Variants in RUNDC3B observed in about 807,000 individuals in gnomAD.
RUNDC3B encodes the protein RUN domain-containing protein 3B.
In RUNDC3B, 33 loss-of-function variants were observed where a neutral mutation model predicts 58.4. The ratio of observed to expected loss-of-function variants is 0.56; its 90% CI spans 0.43 to 0.75. The LOEUF (loss-of-function observed/expected upper bound fraction) is 0.75. Among genes scored for constraint, RUNDC3B ranks in the 30% least tolerant of loss-of-function variants. The probability of loss-of-function intolerance (pLI) is 0.00; values close to 1 mark genes in which losing one functional copy is unlikely to be tolerated. For synonymous variants in RUNDC3B, 193 were observed against 195.2 expected (o/e 0.99, Z 0.10); for missense variants, 501 against 535.7 (o/e 0.94, Z 0.64).
chr7:87,794,625 CAA>C (rs199533628), intron 8 of RUNDC3B, among the ~76,000 whole-genome samples: 347 of 122,542 alleles, frequency 2.8e-3, no homozygotes, highest in African/African-American at 9.1e-3. Flanking sequence ...TTTATAGAAA[CAA>C]AAAAAAAAAA....
At chr7:87,718,535 G>A (rs181320148) in intron 4 of RUNDC3B, among the ~76,000 whole-genome samples, 133 of 152,110 alleles carry the variant, frequency 8.7e-4, no homozygotes, top group African/African-American at 2.7e-3. Flanking sequence ...CAGGCCTTTC[G>A]AAGGATAGAA....
intron 3 of RUNDC3B, among the ~76,000 whole-genome samples, chr7:87,703,717 A>G (rs1182117880): frequency 1.3e-5 from 2 of 151,742 alleles, no homozygotes; most frequent in African/African-American, 4.8e-5. Flanking sequence ...TTGTTATTAC[A>G]TATTAACAGA....
chr7:87,829,561 A>T (rs896353184), intron 10 of RUNDC3B, among the ~76,000 whole-genome samples: 1 of 151,954 alleles, frequency 6.6e-6, no homozygotes, highest in African/African-American at 2.4e-5. Flanking sequence ...TTGTGTCTGT[A>T]TAACAGCACC....
chr7:87,793,212 C>G (rs772311985), intron 8 of RUNDC3B, among the ~76,000 whole-genome samples: 41 of 151,952 alleles, frequency 2.7e-4, no homozygotes, highest in Non-Finnish European at 5.0e-4. Flanking sequence ...TAAAAAGCAT[C>G]ATAGTAAGGA....
intron 4 of RUNDC3B, among the ~76,000 whole-genome samples, chr7:87,739,473 A>G (rs111489587): frequency 3.3e-5 from 5 of 152,112 alleles, no homozygotes; most frequent in African/African-American, 1.2e-4. Context: ...TTGCTTCACT[A>G]TTAAGGAAAA....
chr7:87,710,337 C>T (rs1430371056), intron 3 of RUNDC3B, among the ~76,000 whole-genome samples: 1 of 151,942 alleles, frequency 6.6e-6, no homozygotes, highest in Non-Finnish European at 1.5e-5. Flanking sequence ...TCTGTCCCTT[C>T]AGAGGATAGA....
chr7:87,822,854 C>T (rs1837562168), intron 10 of RUNDC3B, among the ~76,000 whole-genome samples: 1 of 151,970 alleles, frequency 6.6e-6, no homozygotes, highest in African/African-American at 2.4e-5. Context: ...CACATGGACA[C>T]AAGAAGGGGA....
intron 2 of RUNDC3B, among the ~76,000 whole-genome samples, chr7:87,654,418 A>G (rs1823880849): frequency 6.6e-6 from 1 of 152,132 alleles, no homozygotes; most frequent in African/African-American, 2.4e-5. Flanking sequence ...AGAACCCACA[A>G]ATAAATCCAT....
intron 3 of RUNDC3B, chr7:87,709,496 A>T: frequency 1.0e-6 from 1 of 985,256 alleles, no homozygotes; most frequent in East Asian, 1.1e-4. Flanking sequence ...GCTAAAAGGG[A>T]TGTTGAGCTT....
At chr7:87,675,783 A>G (rs1243262404) in intron 2 of RUNDC3B, among the ~76,000 whole-genome samples, 1 of 152,002 alleles carries the variant, frequency 6.6e-6, no homozygotes, top group African/African-American at 2.4e-5. Context: ...AATTTAACAT[A>G]AGACCTGAAA....
intron 2 of RUNDC3B, among the ~76,000 whole-genome samples, chr7:87,651,354 A>T (rs1823551825): frequency 6.6e-6 from 1 of 152,136 alleles, no homozygotes. Context: ...AAAAAGAGGT[A>T]TGTAAGAGAC....
chr7:87,765,937 A>T (rs190050813), intron 6 of RUNDC3B, among the ~76,000 whole-genome samples: 1 of 151,872 alleles, frequency 6.6e-6, no homozygotes, highest in Admixed American at 6.6e-5. Flanking sequence ...ATCATTTCTT[A>T]TGTCTAGTAG....
At chr7:87,829,266 C>T (rs967418564) in intron 10 of RUNDC3B, among the ~76,000 whole-genome samples, 6 of 152,144 alleles carry the variant, frequency 3.9e-5, no homozygotes, top group Non-Finnish European at 8.8e-5. Context: ...TGGAGGTTGT[C>T]TGTTTACCCT....
At position 87,628,602 on chromosome 7, in the gene RUNDC3B, T is replaced by C. The variant is rs1201209900; in HGVS notation, c.-222T>C. 7.7e-5 allele frequency: 27 copies of C among 351,800 alleles called. No homozygotes were observed. Among genetic ancestry groups the C allele is most frequent in the Non-Finnish European group, 1.0e-4 (20 of 196,632 alleles). 21.8% of individuals were successfully genotyped at this position (351,800 alleles called of 1,614,324 possible). On this transcript the variant is annotated 5_prime_UTR_variant, in exon 1 of 11. Transcript: ENST00000394654. ...GTGCGTGCGTGTGTGTGTGTGTGTG[T>C]GTGTGTGTGTGTGTGTGTGTGTGGA...
At chr7:87,807,193 C>T (rs1168522445) in intron 8 of RUNDC3B, among the ~76,000 whole-genome samples, 180 bp from the exon 9 acceptor site, 2 of 152,030 alleles carry the variant, frequency 1.3e-5, no homozygotes, top group African/African-American at 4.8e-5. Context: ...AAATGAAGAA[C>T]ACATATTGCA....
chr7:87,684,648 T>G (rs1392027584), intron 2 of RUNDC3B, among the ~76,000 whole-genome samples: 1 of 146,602 alleles, frequency 6.8e-6, no homozygotes, highest in African/African-American at 2.6e-5. Flanking sequence ...CGCAGGAGGC[T>G]GAGGCAGGAG....
At chr7:87,779,056 C>A (rs1344473320) in intron 8 of RUNDC3B, among the ~76,000 whole-genome samples, 3 of 152,134 alleles carry the variant, frequency 2.0e-5, no homozygotes, top group Middle Eastern at 3.2e-3. Flanking sequence ...TGAGAGGTTG[C>A]ATACATTATG....
At position 87,788,450 on chromosome 7, in the gene RUNDC3B, A is replaced by C. The variant is rs928753756; in HGVS notation, c.956+10495A>C. On this transcript the variant is annotated intron_variant, in intron 8 of 10. Transcript: ENST00000394654. ...ATCATTTCAATCTTCTACTATTATGATTAGTAATAATAGTATAATTTCATT... is the reference window on the plus strand; with the variant it reads ...ATCATTTCAATCTTCTACTATTATGCTTAGTAATAATAGTATAATTTCATT... Among the ~76,000 whole-genome samples, 3 of 152,182 alleles carry C rather than the reference A, an allele frequency of 2.0e-5. No individual in the cohort carries two copies. In the East Asian group the frequency reaches 5.8e-4, roughly 29 times the overall value.
At chr7:87,753,127 A>G (rs977384752) in intron 6 of RUNDC3B, among the ~76,000 whole-genome samples, 49 of 151,908 alleles carry the variant, frequency 3.2e-4, no homozygotes, top group African/African-American at 1.1e-3. Context: ...TCATTTCGTT[A>G]TGTACCCAGT....
Sources: gnomAD v4.1 joint callset for allele counts (sites outside exome capture counted in the v4.1 genomes callset) on GRCh38, gnomAD v4.1.1 for gene constraint, MANE v1.5 for transcripts, NCBI Gene and HGNC (gene_info 2026-07-23, HGNC 2026-07-21) for gene names.